SNTG1: variants seen among roughly 807,000 people sequenced by gnomAD.
SNTG1 encodes the protein syntrophin gamma 1, also known as gamma-1-syntrophin.
A neutral mutation model predicts 74.7 loss-of-function variants in SNTG1; 39 were observed. The ratio of observed to expected loss-of-function variants is 0.52; its 90% CI spans 0.40 to 0.68. SNTG1 has a LOEUF of 0.68. Among genes scored for constraint, SNTG1 ranks in the 30% least tolerant of loss-of-function variants. SNTG1 has a pLI of 0.00. For missense variants in SNTG1, 685 were observed against 609.5 expected (o/e 1.12, Z -1.30); for synonymous variants, 254 against 217.1 (o/e 1.17, Z -1.49).
At position 50,116,631 on chromosome 8, in the gene SNTG1, G is replaced by A. The variant is rs139613824; in HGVS notation, c.-102-55930G>A. ...GCACAAAGCATGCCCATTGGATGCAGGCCTACGTGAAGTTTTATAATTTTA... is the reference window on the plus strand; with the variant it reads ...GCACAAAGCATGCCCATTGGATGCAAGCCTACGTGAAGTTTTATAATTTTA... On this transcript the variant is annotated intron_variant, in intron 1 of 18. Coordinates refer to ENST00000642720, the MANE Select transcript of SNTG1 (RefSeq NM_018967.5). 4.6e-5 allele frequency among the ~76,000 whole-genome samples: 7 copies of A among 152,236 alleles called. No individual in the cohort carries two copies. In the East Asian group the frequency reaches 1.2e-3, roughly 25 times the overall value.
chr8:50,714,370 C>T (rs890880183), intron 17 of SNTG1, among the ~76,000 whole-genome samples: 1 of 151,474 alleles, frequency 6.6e-6, no homozygotes, highest in Non-Finnish European at 1.5e-5. Flanking sequence ...GAACTACAAA[C>T]TGCTGCTCAA....
At chr8:49,998,502 AT>A (rs899815830) in intron 1 of SNTG1, among the ~76,000 whole-genome samples, 6 of 151,942 alleles carry the variant, frequency 3.9e-5, no homozygotes, top group South Asian at 2.1e-4. Context: ...TGTACAAAAT[AT>A]TTTTTAATAT....
intron 18 of SNTG1, among the ~76,000 whole-genome samples, chr8:50,786,267 T>C (rs1249607771): frequency 6.6e-6 from 1 of 151,930 alleles, no homozygotes; most frequent in African/African-American, 2.4e-5. Flanking sequence ...AAAAATTTCA[T>C]TTATAACAGT....
chr8:50,211,180 A>G (rs2084505368), intron 2 of SNTG1, among the ~76,000 whole-genome samples: 1 of 152,146 alleles, frequency 6.6e-6, no homozygotes, highest in Non-Finnish European at 1.5e-5. Context: ...AAATGGTAAT[A>G]TTGAGGTAAA....
chr8:50,668,417 T>C (rs1262451082), intron 15 of SNTG1, among the ~76,000 whole-genome samples: 1 of 149,942 alleles, frequency 6.7e-6, no homozygotes, highest in African/African-American at 2.4e-5. Context: ...TCTTGTTTTG[T>C]TTTTTTTTCC....
intron 2 of SNTG1, among the ~76,000 whole-genome samples, chr8:50,208,598 G>A (rs4873423): frequency 0.26 from 40,050 of 152,060 alleles, 5,376 homozygotes; most frequent in South Asian, 0.37. Context: ...ATTTGATCCT[G>A]TCATTATGAT....
Position 50,771,031 on chromosome 8 carries a change from T to C in SNTG1, c.1395+18920T>C, listed in dbSNP as rs115312956. Among the ~76,000 whole-genome samples, 855 of 152,240 alleles carry C rather than the reference T, an allele frequency of 5.6e-3. 12 individuals carry two copies. The highest frequency in any genetic ancestry group is 0.02 in the African/African-American group (824 of 41,556). On this transcript the variant is annotated intron_variant, in intron 18 of 18. Coordinates refer to ENST00000642720, the MANE Select transcript of SNTG1 (RefSeq NM_018967.5). Reference sequence around the variant, plus strand: ...TTATCCAGTCTCAAGTATGCTGTTATAGCAACACAAATGGACTAAGAAAAT... The same window carrying C: ...TTATCCAGTCTCAAGTATGCTGTTACAGCAACACAAATGGACTAAGAAAAT...
chr8:49,924,397 A>T (rs1043425686), intron 1 of SNTG1, among the ~76,000 whole-genome samples: 2 of 152,242 alleles, frequency 1.3e-5, no homozygotes, highest in South Asian at 2.1e-4. Context: ...GCAAATACAG[A>T]TAATAACCCA....
chr8:50,466,008 C>A (rs1484116355), intron 8 of SNTG1, among the ~76,000 whole-genome samples: 1 of 152,026 alleles, frequency 6.6e-6, no homozygotes, highest in African/African-American at 2.4e-5. Context: ...TAAGAAACTG[C>A]CAAACTGTTT....
rs149109605 is a variant in SNTG1 at position 50,774,953 on chromosome 8, T to G, written c.1396-17718T>G. On this transcript the variant is annotated intron_variant, in intron 18 of 18. Coordinates refer to ENST00000642720, the MANE Select transcript of SNTG1 (RefSeq NM_018967.5). ...TAACTAATGATAAAAATGGGAGAAT[T>G]AAAATTATATGAATGTAGTATATAC... 2.9e-3 allele frequency among the ~76,000 whole-genome samples: 439 copies of G among 150,868 alleles called. 1 individual carries two copies. Among genetic ancestry groups the G allele is most frequent in the African/African-American group, 0.01 (424 of 41,330 alleles).
At chr8:50,160,154 G>T (rs1399326226) in intron 1 of SNTG1, among the ~76,000 whole-genome samples, 2 of 152,148 alleles carry the variant, frequency 1.3e-5, no homozygotes, top group Non-Finnish European at 2.9e-5. Flanking sequence ...TGCAGTTTGT[G>T]TCTCATCTTC....
At chr8:50,669,787 C>T (rs2095270167) in intron 15 of SNTG1, among the ~76,000 whole-genome samples, 1 of 152,082 alleles carries the variant, frequency 6.6e-6, no homozygotes, top group African/African-American at 2.4e-5. Context: ...ATGCAAAAAT[C>T]CTCAATAAAA....
At chr8:50,530,282 C>T in intron 10 of SNTG1, 23 bp downstream of exon 10, 1 of 1,606,992 alleles carries the variant, frequency 6.2e-7, no homozygotes, top group Non-Finnish European at 8.5e-7. Context: ...AGGCATAGCT[C>T]AGATTAATAA....
At chr8:50,118,498 C>A (rs2080898372) in intron 1 of SNTG1, among the ~76,000 whole-genome samples, 1 of 152,152 alleles carries the variant, frequency 6.6e-6, no homozygotes, top group South Asian at 2.1e-4. Flanking sequence ...ATCAGCTCTA[C>A]TTTACATATA....
intron 1 of SNTG1, among the ~76,000 whole-genome samples, chr8:50,162,559 CAAAAAAAA>C (rs34746562): frequency 1.9e-4 from 16 of 83,962 alleles, no homozygotes; most frequent in Admixed American, 1.6e-3. Flanking sequence ...GACTCTGTCT[CAAAAAAAA>C]AAAAAAAAAA....
chr8:50,683,791 G>A (rs1295346356), intron 15 of SNTG1, among the ~76,000 whole-genome samples: 3 of 152,146 alleles, frequency 2.0e-5, no homozygotes, highest in African/African-American at 4.8e-5. Flanking sequence ...TAGCTAAAAC[G>A]TAGCACCTGT....
chr8:49,954,503 C>T (rs1046710420), intron 1 of SNTG1, among the ~76,000 whole-genome samples: 59 of 152,246 alleles, frequency 3.9e-4, no homozygotes, highest in African/African-American at 1.3e-3. Flanking sequence ...CCAAGAAATA[C>T]GTACTCAAAA....
chr8:50,789,587 T>G (rs2095685500), intron 18 of SNTG1, among the ~76,000 whole-genome samples: 1 of 151,988 alleles, frequency 6.6e-6, no homozygotes, highest in South Asian at 2.1e-4. Flanking sequence ...AACCAAAATC[T>G]TGATCTTTAC....
At chr8:50,647,618 G>T (rs1279218684) in intron 13 of SNTG1, among the ~76,000 whole-genome samples, 3 of 151,778 alleles carry the variant, frequency 2.0e-5, no homozygotes, top group Admixed American at 1.3e-4. Context: ...CTTTAAAAAA[G>T]AAATTCTATT....
Sources: allele counts gnomAD v4.1 joint callset (sites outside exome capture counted in the v4.1 genomes callset), GRCh38; gene constraint gnomAD v4.1.1; transcripts MANE v1.5; gene names NCBI Gene and HGNC (gene_info 2026-07-23, HGNC 2026-07-21).